Variants in MTRR observed in about 807,000 individuals in gnomAD.
MTRR encodes the protein 5-methyltetrahydrofolate-homocysteine methyltransferase reductase.
MTRR carries 63 observed loss-of-function variants against 79.2 expected under a neutral mutation model. The ratio of observed to expected loss-of-function variants is 0.80; its 90% CI spans 0.65 to 0.98. The LOEUF (loss-of-function observed/expected upper bound fraction) is 0.98. Ranked by LOEUF, MTRR falls within the 50% of genes least tolerant of loss-of-function variation. The pLI is 0.00. For missense variants in MTRR, 895 were observed against 839.6 expected, an observed-to-expected ratio of 1.07 and a Z score of -0.82; for synonymous variants, 355 against 313.3, an observed-to-expected ratio of 1.13 and a Z score of -1.41.
At chr5:7,867,070 C>A (rs1747012271), upstream of MTRR, 1 of 1,614,000 alleles carries the variant, frequency 6.2e-7, no homozygotes. Flanking sequence ...TGAACGCCTC[C>A]AAGACTCTCC....
At position 7,900,212 on chromosome 5, in the gene MTRR, A is replaced by T. The variant is rs1739262880; in HGVS notation, c.*154A>T. ...GGAGATTGGATCATTTAACAATATA[A>T]CAAAACTTCCTGATTTGATTTTACG... On this transcript the variant is annotated 3_prime_UTR_variant, in exon 15 of 15. Coordinates refer to ENST00000440940, the MANE Select transcript of MTRR (RefSeq NM_002454.3). 1.2e-6 allele frequency: 1 copy of T among 843,494 alleles called. No homozygotes were observed. The highest frequency in any genetic ancestry group is 1.8e-6 in the Non-Finnish European group (1 of 549,498). 52.3% of individuals were successfully genotyped at this position (843,494 alleles called of 1,614,324 possible).
At chr5:7,899,884 AAGC>A in intron 14 of MTRR, 27 bp from the exon 15 acceptor site, 4 of 1,613,904 alleles carry the variant, frequency 2.5e-6, no homozygotes, top group Non-Finnish European at 3.4e-6. Context: ...GCCTGTTTGT[AAGC>A]AGTCATCTTA....
intron 1 of MTRR, among the ~76,000 whole-genome samples, chr5:7,858,014 C>T (rs1746303332): frequency 6.6e-6 from 1 of 152,182 alleles, no homozygotes; most frequent in South Asian, 2.1e-4. Flanking sequence ...CTTCGTGTGG[C>T]TGTTTAATTG....
chr5:7,865,451 G>A (rs926266661), upstream of MTRR, among the ~76,000 whole-genome samples: 7 of 152,176 alleles, frequency 4.6e-5, no homozygotes, highest in African/African-American at 1.7e-4. Context: ...TATGGGAAGA[G>A]CGAACTCTAG....
Position 7,895,815 on chromosome 5 carries a change from A to C in MTRR, c.1639A>C (p.Thr547Pro). 2 of 1,614,150 alleles carry C rather than the reference A, an allele frequency of 1.2e-6. No homozygotes were observed. Among genetic ancestry groups the C allele is most frequent in the Non-Finnish European group, 1.7e-6 (2 of 1,179,994 alleles). The stretch of plus-strand genomic sequence containing the variant: ...CCCCATCATAATGGTGGGTCCAGGA[A>C]CCGGCATAGCCCCGTTTATTGGGTT... Reference protein sequence around the residue: ...SIPIIMVGPGTGIAPFIGFLQ... With the variant: ...SIPIIMVGPGPGIAPFIGFLQ... The change falls in exon 12 of 15, where the codon ACC becomes CCC. Residue 547 changes from threonine (T) to proline (P), a missense_variant. Physicochemically the swap from Thr to Pro is conservative, Grantham distance 38. Coordinates refer to ENST00000440940, the MANE Select transcript of MTRR (RefSeq NM_002454.3).
chr5:7,862,939 A>AG, intron 2 of MTRR: 2 of 1,614,104 alleles, frequency 1.2e-6, no homozygotes. Context: ...AGGGGTCTCC[A>AG]GGGAACAGCA....
intron 12 of MTRR, 138 bp from the exon 13 acceptor site, chr5:7,896,726 A>C (rs1489896507): frequency 2.7e-6 from 2 of 752,016 alleles, no homozygotes; most frequent in Non-Finnish European, 4.6e-6. Flanking sequence ...TAAAATGCTA[A>C]TTAAATGACT....
In MTRR at chr5:7,870,858, A is replaced by G; in HGVS notation, c.64A>G (p.Ile22Val). Reference protein sequence around the residue: ...QGQAKAIAEEICEQAVVHGFS... With the variant: ...QGQAKAIAEEVCEQAVVHGFS... ...ACAGGCAAAGGCCATCGCAGAAGAA[A>G]TATGTGAGCAAGCTGTGGTACATGG... is the stretch of plus-strand genomic sequence containing the variant. The change falls in exon 2 of 15, where the codon ATA becomes GTA. Residue 22 changes from isoleucine to valine, a missense_variant. By Grantham distance (29) the Ile-to-Val change is conservative. Coordinates refer to ENST00000440940, the MANE Select transcript of MTRR (RefSeq NM_002454.3). 1 of 1,614,212 alleles carries G rather than the reference A, an allele frequency of 6.2e-7. No homozygotes were observed. The highest frequency in any genetic ancestry group is 1.1e-5 in the South Asian group (1 of 91,088).
At chr5:7,871,576 C>T (rs1442293456) in intron 2 of MTRR, among the ~76,000 whole-genome samples, 1 of 152,238 alleles carries the variant, frequency 6.6e-6, no homozygotes, top group Non-Finnish European at 1.5e-5. Flanking sequence ...GATTTGCCAG[C>T]CGCTAAGCAG....
At chr5:7,874,021 A>G (rs1748451694) in intron 3 of MTRR, among the ~76,000 whole-genome samples, 1 of 152,212 alleles carries the variant, frequency 6.6e-6, no homozygotes, top group African/African-American at 2.4e-5. Flanking sequence ...GCCCACCTCC[A>G]GTGATTCTGA....
rs762745815 is a variant in MTRR, at chr5:7,883,232, G to A, written c.858G>A (p.Thr286=). 8 of 1,614,190 alleles carry A rather than the reference G, an allele frequency of 5.0e-6. No homozygotes were observed. Among genetic ancestry groups the A allele is most frequent in the Non-Finnish European group, 5.1e-6 (6 of 1,180,018 alleles). Residue 286 remains threonine, a synonymous_variant, in exon 6 of 15, where the codon ACG becomes ACA. Coordinates refer to ENST00000440940, the MANE Select transcript of MTRR (RefSeq NM_002454.3). Reference sequence around the variant, plus strand: ...TTTCAAAGGCAGTTCAACTTACTACGAATGATGCCATAAAAACCACTCTGC... The same window carrying A: ...TTTCAAAGGCAGTTCAACTTACTACAAATGATGCCATAAAAACCACTCTGC... ...VPISKAVQLT[T]NDAIKTTLLV... is the part of the protein sequence containing the mutation.
chr5:7,883,352 A>G (rs1735880698), intron 6 of MTRR, 75 bp downstream of exon 6: 2 of 1,592,396 alleles, frequency 1.3e-6, no homozygotes, highest in Non-Finnish European at 1.7e-6. Flanking sequence ...GTGCTTGGTT[A>G]TATATGCTGA....
At chr5:7,857,774 G>A (rs987726587) in intron 1 of MTRR, among the ~76,000 whole-genome samples, 9 of 152,198 alleles carry the variant, frequency 5.9e-5, no homozygotes, top group Non-Finnish European at 8.8e-5. Context: ...TGTGCCCAGC[G>A]TGATCAGAAC....
chr5:7,861,671 A>C (rs376029726), intron 1 of MTRR: 1 of 1,604,258 alleles, frequency 6.2e-7, no homozygotes, highest in African/African-American at 1.3e-5. Flanking sequence ...AGAAGAAAGG[A>C]AAAATTCCTC....
At chr5:7,899,079 A>C (rs1217945433) in intron 14 of MTRR, among the ~76,000 whole-genome samples, 1 of 151,960 alleles carries the variant, frequency 6.6e-6, no homozygotes, top group East Asian at 1.9e-4. Flanking sequence ...GGTGCCACAC[A>C]CTCAAATAGC....
intron 9 of MTRR, among the ~76,000 whole-genome samples, chr5:7,890,785 C>T (rs576954336): frequency 4.1e-4 from 62 of 152,182 alleles, no homozygotes; most frequent in African/African-American, 1.4e-3. Flanking sequence ...TATTTAAATA[C>T]AGATTATTTA....
upstream of MTRR, chr5:7,851,140 G>T: frequency 8.4e-7 from 1 of 1,184,560 alleles, no homozygotes; most frequent in Non-Finnish European, 1.1e-6. Flanking sequence ...GTCTGTGTTC[G>T]GTCGTTGCCT....
At chr5:7,853,357 C>A (rs1453584473) in intron 1 of MTRR, among the ~76,000 whole-genome samples, 4 of 152,168 alleles carry the variant, frequency 2.6e-5, no homozygotes, top group African/African-American at 9.7e-5. Flanking sequence ...CTGAGGCCAC[C>A]CCAGCCATAC....
At chr5:7,881,298 C>T (rs1427668158) in intron 5 of MTRR, among the ~76,000 whole-genome samples, 2 of 152,050 alleles carry the variant, frequency 1.3e-5, no homozygotes, top group Non-Finnish European at 2.9e-5. Context: ...CCTTCCTTAG[C>T]TAGCCCAGTG....
Sources: gnomAD v4.1 joint callset for allele counts (sites outside exome capture counted in the v4.1 genomes callset) on GRCh38, gnomAD v4.1.1 for gene constraint, MANE v1.5 for transcripts, NCBI Gene and HGNC (gene_info 2026-07-23, HGNC 2026-07-21) for gene names.